Variants in SLC26A5 observed in about 807,000 individuals in gnomAD.
The protein encoded by SLC26A5 is prestin.
A neutral mutation model predicts 81.0 loss-of-function variants in SLC26A5; 51 were observed. The observed-to-expected ratio is 0.63, with a 90% confidence interval of 0.50 to 0.80. The LOEUF (loss-of-function observed/expected upper bound fraction) is 0.80, where lower values mean the gene tolerates loss of function less well. SLC26A5 is among the 30% of genes least tolerant of loss of function. The probability of loss-of-function intolerance (pLI) is 0.00; values close to 1 mark genes in which losing one functional copy is unlikely to be tolerated. For missense variants in SLC26A5, 771 were observed against 905.8 expected (o/e 0.85, Z 1.91); for synonymous variants, 325 against 332.8 (o/e 0.98, Z 0.25).
Position 103,378,467 on chromosome 7 carries a change from G to T in SLC26A5, c.1764C>A (p.Ala588=), listed in dbSNP as rs1417724884. The T allele has an allele frequency of 1.2e-6, 2 of 1,614,024 alleles. No homozygotes were observed. Among genetic ancestry groups the T allele is most frequent in the Non-Finnish European group, 8.5e-7 (1 of 1,179,944 alleles). The part of the protein sequence containing the change: ...YAKEVGNANM[A]NATVVKADAE... ...TCACTGCTTTGACAACAGTTGCGTTGGCCATATTTGCATTTCCGACTTCCT... is the reference window on the plus strand; with the variant it reads ...TCACTGCTTTGACAACAGTTGCGTTTGCCATATTTGCATTTCCGACTTCCT... Residue 588 remains alanine, a synonymous_variant, in exon 17 of 20, where the codon GCC becomes GCA. Transcript: ENST00000306312.
chr7:103,421,464 A>C lies in SLC26A5; in HGVS notation c.51T>G (p.Tyr17Ter). 6.2e-7 allele frequency: 1 copy of C among 1,614,048 alleles called. No homozygotes were observed. Among genetic ancestry groups the C allele is most frequent in the Admixed American group, 1.7e-5 (1 of 60,008 alleles). The change falls in exon 3 of 20, where the codon TAT (tyrosine) becomes TAG (stop). Residue 17 changes from tyrosine (Y) to a stop codon, truncating the protein, a stop_gained. Transcript: ENST00000306312. LOFTEE classifies it high-confidence loss of function. ...GATGACTAAAGATAGGCCTTTCCAC[A>C]TAGTACCTCTGGGTTGCTGCAAGGA... ...NEILAATQRYYVERPIFSHPV... is the reference protein window; with the variant it reads ...NEILAATQRY
chr7:103,370,801 AG>A (rs933095167), downstream of SLC26A5, among the ~76,000 whole-genome samples: 6 of 152,240 alleles, frequency 3.9e-5, no homozygotes, highest in African/African-American at 1.2e-4. Flanking sequence ...CATGAGACAT[AG>A]ATCAACCACT....
intron 2 of SLC26A5, among the ~76,000 whole-genome samples, chr7:103,440,867 C>G (rs576828398): frequency 2.6e-4 from 39 of 152,306 alleles, no homozygotes; most frequent in African/African-American, 8.9e-4. Flanking sequence ...ATGCTTCAAC[C>G]TAAGCTGTGA....
At chr7:103,414,185 C>A (rs1216374608) in intron 4 of SLC26A5, among the ~76,000 whole-genome samples, 2 of 130,536 alleles carry the variant, frequency 1.5e-5, no homozygotes, top group African/African-American at 3.0e-5. Context: ...AAGTTTTGCC[C>A]CCCCCTTTTT....
intron 9 of SLC26A5, 114 bp from the exon 10 acceptor site, chr7:103,393,180 A>G (rs924466758): frequency 3.5e-5 from 45 of 1,269,614 alleles, no homozygotes; most frequent in Non-Finnish European, 5.0e-5. Context: ...GAAGTAATCA[A>G]TGCTTGGATA....
At chr7:103,391,336 G>C (rs1170650854) in intron 11 of SLC26A5, among the ~76,000 whole-genome samples, 1 of 152,228 alleles carries the variant, frequency 6.6e-6, no homozygotes, top group Non-Finnish European at 1.5e-5. Context: ...CCCATACTCA[G>C]TCTCAGGCTT....
chr7:103,365,588 C>T (rs1278466420), intron 19 of SLC26A5, among the ~76,000 whole-genome samples: 1 of 152,154 alleles, frequency 6.6e-6, no homozygotes, highest in African/African-American at 2.4e-5. Flanking sequence ...AAGATCGTGC[C>T]ATTGCACACC....
chr7:103,432,847 G>C (rs1360244800), intron 2 of SLC26A5, among the ~76,000 whole-genome samples: 1 of 152,100 alleles, frequency 6.6e-6, no homozygotes, highest in Non-Finnish European at 1.5e-5. Flanking sequence ...TGTCTACTCT[G>C]CTAGGGTTAT....
chr7:103,376,048 C>T (rs748441059), intron 19 of SLC26A5, among the ~76,000 whole-genome samples: 1 of 151,932 alleles, frequency 6.6e-6, no homozygotes, highest in Non-Finnish European at 1.5e-5. Context: ...TGAGCCACCA[C>T]GCCGGGCTCC....
chr7:103,373,641 A>C (rs1299127531), downstream of SLC26A5, among the ~76,000 whole-genome samples: 1 of 152,194 alleles, frequency 6.6e-6, no homozygotes, highest in South Asian at 2.1e-4. Flanking sequence ...AGTTTGCACA[A>C]ACCAACTGCA....
At position 103,380,423 on chromosome 7, in the gene SLC26A5, C is replaced by T. The variant is rs74615589; in HGVS notation, c.1584+57G>A. ...CTTTTTATCCTGGGTAAAAACAGTA[C>T]TTAGCCAAGCACATCACATGCTTAC... On this transcript the variant is annotated intron_variant, in intron 15 of 19. Coordinates refer to ENST00000306312, the MANE Select transcript of SLC26A5 (RefSeq NM_198999.3). 7.3e-4 allele frequency: 1,057 copies of T among 1,443,976 alleles called. 4 individuals are homozygous for T. In the African/African-American group the frequency reaches 0.013, roughly 18 times the overall value. 89.4% of individuals were successfully genotyped at this position (1,443,976 alleles called of 1,614,324 possible). A position where few individuals can be genotyped will look rare whatever the true frequency, so the allele number is the denominator to read the frequency against.
At chr7:103,403,695 CT>C (rs561652280) in intron 8 of SLC26A5, among the ~76,000 whole-genome samples, 500 of 128,486 alleles carry the variant, frequency 3.9e-3, no homozygotes, top group Middle Eastern at 7.8e-3. Flanking sequence ...CAATCCCCTG[CT>C]TTTTTTTTTT....
intron 19 of SLC26A5, chr7:103,366,174 T>C: frequency 3.8e-6 from 6 of 1,559,854 alleles, no homozygotes; most frequent in Non-Finnish European, 5.3e-6. Context: ...GTGAGAATGA[T>C]ACGTTAGAGA....
chr7:103,435,976 G>A (rs893037536), intron 2 of SLC26A5, among the ~76,000 whole-genome samples: 2 of 151,986 alleles, frequency 1.3e-5, no homozygotes, highest in Admixed American at 6.6e-5. Flanking sequence ...GCATTTGTAC[G>A]CTAAAATTTA....
At chr7:103,407,333 A>G (rs919122756) in intron 8 of SLC26A5, among the ~76,000 whole-genome samples, 1 of 152,052 alleles carries the variant, frequency 6.6e-6, no homozygotes, top group African/African-American at 2.4e-5. Flanking sequence ...ACATAATAAA[A>G]TATTTTTATT....
Position 103,393,035 on chromosome 7 carries a change from G to A in SLC26A5, c.1003C>T (p.Leu335Phe), listed in dbSNP as rs1822797527. 6.2e-7 allele frequency: 1 copy of A among 1,614,008 alleles called. No individual in the cohort carries two copies. ...LLPPANPDTS[L>F]FHLVYVDAIA... ...GCATCTACGTACACAAGGTGGAAGA[G>A]GCTGGTGTCCGGATTGGCTGGAGGT... The change falls in exon 10 of 20, where the codon CTC (leucine) becomes TTC (phenylalanine). Residue 335 changes from leucine (L) to phenylalanine (F), a missense_variant. Coordinates refer to ENST00000306312, the MANE Select transcript of SLC26A5 (RefSeq NM_198999.3).
chr7:103,444,419 G>T (rs988520880), intron 1 of SLC26A5, among the ~76,000 whole-genome samples: 2 of 152,146 alleles, frequency 1.3e-5, no homozygotes, highest in African/African-American at 4.8e-5. Context: ...ATACCAGGGG[G>T]CAACACATGA....
At chr7:103,383,431 C>G (rs1309911926) in intron 14 of SLC26A5, among the ~76,000 whole-genome samples, 1 of 152,172 alleles carries the variant, frequency 6.6e-6, no homozygotes, top group Non-Finnish European at 1.5e-5. Context: ...AACAGGCCTT[C>G]CTGACGACCT....
chr7:103,400,472 T>G (rs1438272722), intron 8 of SLC26A5, among the ~76,000 whole-genome samples: 3 of 152,230 alleles, frequency 2.0e-5, no homozygotes, highest in Non-Finnish European at 4.4e-5. Flanking sequence ...TATTAGCCCT[T>G]TGTCAGATGG....
Sources: gnomAD v4.1 joint callset for allele counts (sites outside exome capture counted in the v4.1 genomes callset) on GRCh38, gnomAD v4.1.1 for gene constraint, MANE v1.5 for transcripts, NCBI Gene and HGNC (gene_info 2026-07-23, HGNC 2026-07-21) for gene names.